Variants in DST observed in about 807,000 individuals in gnomAD.
DST encodes dystonin.
A neutral mutation model predicts 875.2 loss-of-function variants in DST; 253 were observed. The observed-to-expected ratio is 0.29, with a 90% CI of 0.26 to 0.32. The LOEUF is 0.32. DST is among the 10% of genes least tolerant of loss of function. The pLI is 1.00. For missense variants in DST, 8,287 were observed against 9,111.6 expected (o/e 0.91, Z 3.68); for synonymous variants, 3,124 against 3,197.1 (o/e 0.98, Z 0.77).
Position 56,604,635 on chromosome 6 carries a change from T to C in DST, c.9993A>G (p.Gln3331=), listed in dbSNP as rs368621539. ...ERIEQQLPKE[Q]ALSPRSQEKE... is the part of the protein sequence containing the mutation. Reference sequence around the variant, plus strand: ...TTTCTTGGGATCTTGGAGACAAGGCTTGTTCTTTTGGTAGCTGTTGCTCAA... The same window carrying C: ...TTTCTTGGGATCTTGGAGACAAGGCCTGTTCTTTTGGTAGCTGTTGCTCAA... Residue 3331 remains glutamine, a synonymous_variant, in exon 40 of 104, where the codon CAA becomes CAG. Transcript: ENST00000680361. The C allele has an allele frequency of 1.2e-6, 2 of 1,612,588 alleles. No homozygotes were observed. Among genetic ancestry groups the C allele is most frequent in the East Asian group, 2.2e-5 (1 of 44,858 alleles).
Position 56,561,401 on chromosome 6 carries a change from C to A in DST, c.14217G>T (p.Trp4739Cys). 6.2e-7 allele frequency: 1 copy of A among 1,613,838 alleles called. No homozygotes were observed. Among genetic ancestry groups the A allele is most frequent in the Non-Finnish European group, 8.5e-7 (1 of 1,179,802 alleles). ...TTGCAGTTTTGTTCATTTTCTGTAA[C>A]CACTGCATCATTGCACTTGATTCTT... ...AQEESSAMMQ[W>C]LQKMNKTATK... Residue 4739 changes from tryptophan to cysteine, a missense_variant, in exon 57 of 104, where the codon TGG becomes TGT. Physicochemically the swap from Trp to Cys is radical, Grantham distance 215. Transcript: ENST00000680361.
intron 4 of DST, among the ~76,000 whole-genome samples, chr6:56,782,268 C>G (rs1004042709): frequency 3.9e-5 from 6 of 152,142 alleles, no homozygotes; most frequent in Non-Finnish European, 8.8e-5. Context: ...CCCTCTTTTT[C>G]TATTGATTGG....
chr6:56,539,114 A>G (rs2097072807), intron 61 of DST, among the ~76,000 whole-genome samples: 1 of 152,148 alleles, frequency 6.6e-6, no homozygotes. Context: ...CCTCTTATAT[A>G]GTTTTCAGGA....
chr6:56,741,198 T>C (rs377737540), intron 4 of DST, among the ~76,000 whole-genome samples: 2 of 152,218 alleles, frequency 1.3e-5, no homozygotes, highest in East Asian at 1.9e-4. Flanking sequence ...GTACTTACTA[T>C]ACAAAGGTTC....
At chr6:56,843,814 G>T in intron 4 of DST, 1 of 536,098 alleles carries the variant, frequency 1.9e-6, no homozygotes, top group Non-Finnish European at 2.4e-6. Context: ...GGCTGGCTCA[G>T]CTCCGGCCCC....
intron 85 of DST, 33 bp downstream of exon 85, chr6:56,492,194 C>A (rs1562336004): frequency 6.3e-7 from 1 of 1,581,008 alleles, no homozygotes; most frequent in Admixed American, 1.7e-5. Flanking sequence ...GGTTTATTGA[C>A]AAGTTCAGAG....
chr6:56,665,743 A>G (rs536695163), intron 10 of DST, among the ~76,000 whole-genome samples: 1 of 152,304 alleles, frequency 6.6e-6, no homozygotes, highest in East Asian at 1.9e-4. Context: ...TGTGATGCTC[A>G]CTACGTGGGT....
intron 102 of DST, among the ~76,000 whole-genome samples, chr6:56,462,580 C>T (rs2094390215): frequency 6.6e-6 from 1 of 152,106 alleles, no homozygotes; most frequent in African/African-American, 2.4e-5. Context: ...GGACCATGCC[C>T]ACAGTGAACA....
At chr6:56,540,789 G>A (rs1221351161) in intron 61 of DST, 1 of 152,576 alleles carries the variant, frequency 6.6e-6, no homozygotes, top group Non-Finnish European at 1.5e-5. Flanking sequence ...TCCTCTAGTG[G>A]AGAAACATCA....
chr6:56,755,147 A>C (rs1193001460), intron 4 of DST, among the ~76,000 whole-genome samples: 3 of 150,936 alleles, frequency 2.0e-5, no homozygotes, highest in Admixed American at 6.6e-5. Context: ...AAAAAAAAAA[A>C]CAAGACATTA....
At chr6:56,920,928 G>T (rs1463133911) in intron 2 of DST, among the ~76,000 whole-genome samples, 1 of 80,650 alleles carries the variant, frequency 1.2e-5, no homozygotes, top group East Asian at 2.9e-4. Context: ...TTTTTTCACA[G>T]AGACAGGGTT....
intron 4 of DST, among the ~76,000 whole-genome samples, chr6:56,746,193 C>T (rs2099571939): frequency 6.6e-6 from 1 of 151,486 alleles, no homozygotes; most frequent in Admixed American, 6.6e-5. Flanking sequence ...CTTTTTTTGT[C>T]CAGACCGGTC....
chr6:56,634,068 G>T, intron 27 of DST, 64 bp downstream of exon 27: 1 of 1,585,208 alleles, frequency 6.3e-7, no homozygotes, highest in South Asian at 1.1e-5. Context: ...CAAACTCTAC[G>T]ACACATATGA....
chr6:56,519,525 G>A (rs1454608214), intron 69 of DST, among the ~76,000 whole-genome samples: 1 of 152,104 alleles, frequency 6.6e-6, no homozygotes, highest in African/African-American at 2.4e-5. Context: ...AAGCAATAAC[G>A]AACTGCCCCT....
chr6:56,800,796 A>G (rs2099745718), intron 4 of DST, among the ~76,000 whole-genome samples: 1 of 152,122 alleles, frequency 6.6e-6, no homozygotes, highest in African/African-American at 2.4e-5. Flanking sequence ...AGGTGGGAGG[A>G]CTGCTTGAGC....
intron 2 of DST, among the ~76,000 whole-genome samples, chr6:56,943,666 C>T (rs889862193): frequency 2.6e-5 from 4 of 151,930 alleles, no homozygotes; most frequent in Non-Finnish European, 5.9e-5. Flanking sequence ...CTCCCAACCT[C>T]AGGTGATTTG....
chr6:56,534,300 T>C (rs2096954264), intron 63 of DST, among the ~76,000 whole-genome samples: 1 of 152,198 alleles, frequency 6.6e-6, no homozygotes, highest in African/African-American at 2.4e-5. Context: ...GGGAGAAACC[T>C]TAACAGTACG....
intron 3 of DST, among the ~76,000 whole-genome samples, chr6:56,893,057 G>T (rs1203157849): frequency 6.6e-6 from 1 of 152,178 alleles, no homozygotes; most frequent in Admixed American, 6.5e-5. Context: ...TTGGTTACAT[G>T]AGTAAGTTCT....
intron 4 of DST, among the ~76,000 whole-genome samples, chr6:56,778,228 G>A (rs74366276): frequency 0.012 from 1,805 of 151,950 alleles, 65 homozygotes; most frequent in African/African-American, 0.042. Context: ...GCAACACCAT[G>A]AATTAGGATA....
Sources: gnomAD v4.1 joint callset for allele counts (sites outside exome capture counted in the v4.1 genomes callset) on GRCh38, gnomAD v4.1.1 for gene constraint, MANE v1.5 for transcripts, NCBI Gene and HGNC (gene_info 2026-07-23, HGNC 2026-07-21) for gene names.